The following LRRC37A2 variants were observed in gnomAD, a reference collection of about 807,000 sequenced individuals.
The protein encoded by LRRC37A2 is leucine-rich repeat-containing protein 37A2.
LRRC37A2 carries 9 observed loss-of-function variants against 68.8 expected under a neutral mutation model. The ratio of observed to expected loss-of-function variants is 0.13; its 90% CI spans 0.08 to 0.23. The LOEUF (loss-of-function observed/expected upper bound fraction) is 0.23. Among genes scored for constraint, LRRC37A2 ranks in the 10% least tolerant of loss-of-function variants. The pLI, the probability that LRRC37A2 is intolerant of heterozygous loss-of-function variation, is 1.00. For synonymous variants in LRRC37A2, 63 were observed against 367.6 expected (o/e 0.17, Z 9.48); for missense variants, 168 against 950.4 (o/e 0.18, Z 10.82).
chr17:46,861,935 A>G, the LRRC37A2 span, among the ~76,000 whole-genome samples: 1 of 152,188 alleles, frequency 6.6e-6, no homozygotes, highest in Non-Finnish European at 1.5e-5. Context: ...AGGCTGAGGC[A>G]GGTGGATCAC....
At chr17:47,015,006 CTTTTT>C in the LRRC37A2 span, among the ~76,000 whole-genome samples, 1 of 106,144 alleles carries the variant, frequency 9.4e-6, no homozygotes, top group Admixed American at 1.2e-4. Flanking sequence ...CCATTTTTAT[CTTTTT>C]TTTTTTTTTT....
At chr17:46,657,390 A>C in the LRRC37A2 span, among the ~76,000 whole-genome samples, 2 of 152,224 alleles carry the variant, frequency 1.3e-5, no homozygotes, top group African/African-American at 2.4e-5. Flanking sequence ...ACTAATAGAC[A>C]AGGTTTCAAG....
At chr17:46,569,443 CTGTT>C in the LRRC37A2 span, among the ~76,000 whole-genome samples, 2 of 149,746 alleles carry the variant, frequency 1.3e-5, no homozygotes. Flanking sequence ...ATGCTTATAA[CTGTT>C]GAGGCTTGGT....
At chr17:46,875,318 G>C in the LRRC37A2 span, 2 of 1,613,284 alleles carry the variant, frequency 1.2e-6, no homozygotes, top group Admixed American at 3.3e-5. Flanking sequence ...GAGGAAACAA[G>C]GACCTGCGGG....
chr17:46,904,652 C>G, the LRRC37A2 span, among the ~76,000 whole-genome samples: 2 of 152,076 alleles, frequency 1.3e-5, no homozygotes, highest in Non-Finnish European at 2.9e-5. Flanking sequence ...CTCACCATCT[C>G]TCATGGCAAC....
At chr17:46,789,153 A>T in the LRRC37A2 span, among the ~76,000 whole-genome samples, 2 of 152,056 alleles carry the variant, frequency 1.3e-5, no homozygotes, top group African/African-American at 4.8e-5. Flanking sequence ...CTCTTACCTG[A>T]ACCTGGAGCT....
the LRRC37A2 span, among the ~76,000 whole-genome samples, chr17:46,760,949 T>C: frequency 6.6e-6 from 1 of 152,198 alleles, no homozygotes; most frequent in East Asian, 1.9e-4. Context: ...TTGGGTCCCA[T>C]CCCCAAGATA....
the LRRC37A2 span, among the ~76,000 whole-genome samples, chr17:46,888,057 C>A: frequency 6.6e-6 from 1 of 152,166 alleles, no homozygotes; most frequent in African/African-American, 2.4e-5. Context: ...AATTCTGAAC[C>A]ATGTGAATGT....
chr17:46,999,321 G>A, the LRRC37A2 span, among the ~76,000 whole-genome samples: 12 of 152,080 alleles, frequency 7.9e-5, no homozygotes, highest in East Asian at 3.9e-4. Flanking sequence ...GTTTGGCATC[G>A]TGCCTGACCC....
chr17:46,919,762 C>A, the LRRC37A2 span, among the ~76,000 whole-genome samples: 1 of 152,126 alleles, frequency 6.6e-6, no homozygotes, highest in African/African-American at 2.4e-5. Context: ...GCCTGACCAA[C>A]ATGGTGAAAC....
At chr17:47,033,652 T>C in the LRRC37A2 span, among the ~76,000 whole-genome samples, 256 of 152,276 alleles carry the variant, frequency 1.7e-3, 1 homozygote, top group African/African-American at 5.8e-3. Context: ...AGTCCTTTCA[T>C]CTCTCTCTCC....
the LRRC37A2 span, among the ~76,000 whole-genome samples, chr17:46,440,041 G>A: frequency 9.5e-5 from 1 of 10,552 alleles, no homozygotes; most frequent in Admixed American, 7.2e-4. Flanking sequence ...CAGCTTGATT[G>A]CCTTTGGAAG....
the LRRC37A2 span, among the ~76,000 whole-genome samples, chr17:46,440,432 A>T: frequency 1.4e-4 from 6 of 43,938 alleles, no homozygotes; most frequent in Admixed American, 2.1e-4. Context: ...GGTCTTTCCT[A>T]TTCAGTAACA....
the LRRC37A2 span, among the ~76,000 whole-genome samples, chr17:46,440,160 A>G: frequency 1.9e-4 from 6 of 31,942 alleles, no homozygotes; most frequent in Non-Finnish European, 4.6e-4. Flanking sequence ...GATTTTTAAT[A>G]TTGAGGTATT....
chr17:46,894,678 G>A, the LRRC37A2 span, among the ~76,000 whole-genome samples: 4 of 152,176 alleles, frequency 2.6e-5, no homozygotes, highest in South Asian at 2.1e-4. Context: ...CCGTGGGGCC[G>A]CCAGCCGGCC....
At chr17:46,717,400 C>A in the LRRC37A2 span, among the ~76,000 whole-genome samples, 71 of 152,078 alleles carry the variant, frequency 4.7e-4, no homozygotes, top group African/African-American at 1.7e-3. Flanking sequence ...TGTTGGACAG[C>A]ACAATAAATT....
the LRRC37A2 span, among the ~76,000 whole-genome samples, chr17:46,855,571 G>GT: frequency 6.6e-6 from 1 of 152,212 alleles, no homozygotes; most frequent in Non-Finnish European, 1.5e-5. Flanking sequence ...TTGCTGAAGA[G>GT]TTTTTATTTT....
At chr17:46,385,233 C>T in the LRRC37A2 span, among the ~76,000 whole-genome samples, 2 of 86,484 alleles carry the variant, frequency 2.3e-5, no homozygotes, top group African/African-American at 8.2e-5. Flanking sequence ...GAGAATAGAG[C>T]CTGGTGTGGG....
the LRRC37A2 span, among the ~76,000 whole-genome samples, chr17:46,958,814 A>T: frequency 6.6e-6 from 1 of 152,224 alleles, no homozygotes; most frequent in African/African-American, 2.4e-5. Flanking sequence ...CTGACACATG[A>T]CATAGGTTAG....
Sources: allele counts gnomAD v4.1 joint callset (sites outside exome capture counted in the v4.1 genomes callset), GRCh38; gene constraint gnomAD v4.1.1; transcripts MANE v1.5; gene names NCBI Gene and HGNC (gene_info 2026-07-23, HGNC 2026-07-21).